The following HNRNPD variants were observed in gnomAD, a reference collection of about 807,000 sequenced individuals.
HNRNPD encodes the protein heterogeneous nuclear ribonucleoprotein D, also known as heterogeneous nuclear ribonucleoprotein D0.
In HNRNPD, 3 loss-of-function variants were observed where a neutral mutation model predicts 47.9. The observed-to-expected ratio is 0.06, with a 90% CI of 0.03 to 0.16. HNRNPD has a LOEUF of 0.16. Among genes scored for constraint, HNRNPD ranks in the 10% least tolerant of loss-of-function variants. The pLI is 1.00. For synonymous variants in HNRNPD, 171 were observed against 165.1 expected, an observed-to-expected ratio of 1.04 and a Z score of -0.28; for missense variants, 287 against 454.2, an observed-to-expected ratio of 0.63 and a Z score of 3.35.
chr4:82,368,305 G>A (rs905004996), intron 2 of HNRNPD, among the ~76,000 whole-genome samples: 6 of 151,892 alleles, frequency 4.0e-5, no homozygotes, highest in African/African-American at 1.5e-4. Context: ...TCTCGTATTA[G>A]GGCAGCCTTA....
At chr4:82,372,160 A>C (rs1044294840) in intron 1 of HNRNPD, among the ~76,000 whole-genome samples, 2 of 152,092 alleles carry the variant, frequency 1.3e-5, no homozygotes, top group Non-Finnish European at 2.9e-5. Flanking sequence ...ATTCAGACAC[A>C]CACACACCCC....
intron 2 of HNRNPD, among the ~76,000 whole-genome samples, 168 bp downstream of exon 2, chr4:82,371,360 G>A (rs1009127149): frequency 7.2e-5 from 11 of 152,114 alleles, no homozygotes; most frequent in African/African-American, 1.4e-4. Flanking sequence ...TTTGCCCAAA[G>A]ATTACACATG....
intron 8 of HNRNPD, 106 bp downstream of exon 8, chr4:82,355,198 C>T (rs924674405): frequency 5.7e-6 from 4 of 699,262 alleles, no homozygotes; most frequent in Admixed American, 2.6e-5. Flanking sequence ...ATGGTAAGCA[C>T]TTCTGGGTGC....
At chr4:82,370,086 G>A (rs2110002911) in intron 2 of HNRNPD, among the ~76,000 whole-genome samples, 1 of 152,290 alleles carries the variant, frequency 6.6e-6, no homozygotes, top group East Asian at 1.9e-4. Context: ...AGGTTGCGCT[G>A]AGCCAAGATC....
At chr4:82,360,641 CTT>C (rs1178180773) in intron 2 of HNRNPD, among the ~76,000 whole-genome samples, 2 of 152,050 alleles carry the variant, frequency 1.3e-5, no homozygotes, top group African/African-American at 4.8e-5. Context: ...AACATTTTCT[CTT>C]CTTTTTAACT....
Position 82,356,770 on chromosome 4 carries a change from T to TA in HNRNPD, c.853+25dup, listed in dbSNP as rs533240271. On this transcript the variant is annotated intron_variant, in intron 6 of 8. Transcript: ENST00000313899. ...AATTAAAAAGCAGAAAAGCTTAAGA[T>TA]AGAGTAAACTTAGGCTCTAGCTTAC... 7,737 of 1,612,390 alleles carry TA rather than the reference T, an allele frequency of 4.8e-3. 25 individuals carry two copies. The highest frequency in any genetic ancestry group is 6.1e-3 in the Non-Finnish European group (7,132 of 1,178,474).
Position 82,358,740 on chromosome 4 carries a change from C to T in HNRNPD, c.540G>A (p.Pro180=), listed in dbSNP as rs747143356. 7.4e-6 allele frequency: 12 copies of T among 1,612,660 alleles called. No individual in the cohort carries two copies. The highest frequency in any genetic ancestry group is 1.0e-5 in the Non-Finnish European group (12 of 1,179,770). Reference sequence around the variant, plus strand: ...GGCCACCAACAAAAATTTTTTTAACCGGCTCTTTTGTTTTCATGGCTTTGG... The same window carrying T: ...GGCCACCAACAAAAATTTTTTTAACTGGCTCTTTTGTTTTCATGGCTTTGG... ...KRAKAMKTKE[P]VKKIFVGGLS... Residue 180 remains proline (P), a synonymous_variant, in exon 4 of 9, where the codon CCG becomes CCA. Transcript: ENST00000313899.
intron 2 of HNRNPD, among the ~76,000 whole-genome samples, chr4:82,369,959 A>G (rs941034545): frequency 1.3e-5 from 2 of 152,198 alleles, no homozygotes; most frequent in Non-Finnish European, 2.9e-5. Flanking sequence ...CCTGACCAAC[A>G]TGAAGAAACC....
At chr4:82,371,437 G>C in intron 2 of HNRNPD, 91 bp downstream of exon 2, 1 of 963,028 alleles carries the variant, frequency 1.0e-6, no homozygotes, top group Non-Finnish European at 1.6e-6. Flanking sequence ...GAATTTCCTG[G>C]GGATCAATGG....
At position 82,373,034 on chromosome 4, in the gene HNRNPD, G is replaced by C; in HGVS notation, c.233+412C>G. ...CAAATAAACCTTAGTAATACAAACA[G>C]AGAAGCTGTTTGTGTCTGTGTTTTT... On this transcript the variant is annotated intron_variant, in intron 1 of 8. Coordinates refer to ENST00000313899, the MANE Select transcript of HNRNPD (RefSeq NM_031370.3). 9.3e-6 allele frequency: 4 copies of C among 430,682 alleles called. 1 individual carries two copies. Among genetic ancestry groups the C allele is most frequent in the East Asian group, 6.9e-5 (1 of 14,400 alleles). The allele number at this position is 430,682 out of a possible 1,614,324, so 26.7% of individuals were successfully genotyped here. A position where few individuals can be genotyped will look rare whatever the true frequency, so the allele number is the denominator to read the frequency against.
intron 2 of HNRNPD, among the ~76,000 whole-genome samples, chr4:82,360,366 C>T (rs571480905): frequency 1.3e-5 from 2 of 151,656 alleles, no homozygotes; most frequent in Non-Finnish European, 2.9e-5. Context: ...TAAGACCAAA[C>T]GTATATACTC....
At chr4:82,367,284 T>G (rs1243954858) in intron 2 of HNRNPD, among the ~76,000 whole-genome samples, 4 of 152,174 alleles carry the variant, frequency 2.6e-5, no homozygotes, top group Non-Finnish European at 4.4e-5. Context: ...AACTCCCATT[T>G]ACCTAGAGGT....
intron 2 of HNRNPD, among the ~76,000 whole-genome samples, chr4:82,370,525 GT>G (rs1719988491): frequency 1.0e-5 from 1 of 99,356 alleles, no homozygotes; most frequent in African/African-American, 4.8e-5. Context: ...TGTGACCCCA[GT>G]CTTTTTTTTT....
chr4:82,373,217 G>C (rs1346839453), intron 1 of HNRNPD: 64 of 717,004 alleles, frequency 8.9e-5, no homozygotes, highest in East Asian at 1.4e-4. Context: ...GCATGGTGAC[G>C]GCTAAAGGTG....
In HNRNPD at chr4:82,352,806, AAT is replaced by A. The variant is rs774283906; in HGVS notation, c.*1377_*1378del. The A allele has an allele frequency of 7.2e-5, 11 of 152,232 alleles. No homozygotes were observed. The highest frequency in any genetic ancestry group is 1.5e-4 in the Non-Finnish European group (10 of 68,046). The allele number at this position is 152,232 out of a possible 1,614,324, so 9.4% of individuals were successfully genotyped here. A position where few individuals can be genotyped will look rare whatever the true frequency, so the allele number is the denominator to read the frequency against. On this transcript the variant is annotated 3_prime_UTR_variant, in exon 9 of 9. Transcript: ENST00000313899. ...TTTGGATCTATCATAAAAAAACTTT[AAT>A]AACACTAACTTTTGCTCATTAAAAT...
In HNRNPD at chr4:82,353,984, CAATG is replaced by C. The variant is rs1210387030; in HGVS notation, c.*197_*200del. The C allele has an allele frequency of 1.3e-5, 2 of 152,558 alleles. No homozygotes were observed. Among genetic ancestry groups the C allele is most frequent in the Non-Finnish European group, 2.9e-5 (2 of 68,014 alleles). 9.5% of individuals were successfully genotyped at this position (152,558 alleles called of 1,614,324 possible). On this transcript the variant is annotated 3_prime_UTR_variant, in exon 9 of 9. Coordinates refer to ENST00000313899, the MANE Select transcript of HNRNPD (RefSeq NM_031370.3). Reference sequence around the variant, plus strand: ...GAAGCATAGCAATTAAGAAATAAAACAATGAAAGCAAATTTCTTTTAATGAGAAC... The same window carrying C: ...GAAGCATAGCAATTAAGAAATAAAACAAAGCAAATTTCTTTTAATGAGAAC...
intron 2 of HNRNPD, among the ~76,000 whole-genome samples, chr4:82,363,234 G>A (rs1302457097): frequency 6.6e-6 from 1 of 151,776 alleles, no homozygotes; most frequent in Non-Finnish European, 1.5e-5. Context: ...ATGCCACCAT[G>A]CCAGGCTAAT....
chr4:82,368,673 G>C (rs1011855195), intron 2 of HNRNPD, among the ~76,000 whole-genome samples: 11 of 152,116 alleles, frequency 7.2e-5, no homozygotes, highest in Admixed American at 6.5e-4. Context: ...AATCTACGCA[G>C]GGTCTCAACT....
At chr4:82,373,209 A>G (rs950043912) in intron 1 of HNRNPD, 30 of 704,910 alleles carry the variant, frequency 4.3e-5, no homozygotes, top group South Asian at 3.0e-4. Flanking sequence ...GAGGAGCAGC[A>G]TGGTGACGGC....
Sources: allele counts gnomAD v4.1 joint callset (sites outside exome capture counted in the v4.1 genomes callset), GRCh38; gene constraint gnomAD v4.1.1; transcripts MANE v1.5; gene names NCBI Gene and HGNC (gene_info 2026-07-23, HGNC 2026-07-21).